Variants in LINGO2 observed in about 807,000 individuals in gnomAD.
LINGO2 encodes leucine-rich repeat and immunoglobulin-like domain-containing nogo receptor-interacting protein 2.
A neutral mutation model predicts 30.6 loss-of-function variants in LINGO2; 14 were observed. The ratio of observed to expected loss-of-function variants is 0.46; its 90% CI spans 0.30 to 0.72. The LOEUF (loss-of-function observed/expected upper bound fraction) is 0.72, where lower values mean the gene tolerates loss of function less well. LINGO2 is among the 30% of genes least tolerant of loss of function. The probability of loss-of-function intolerance (pLI) is 0.07; values close to 1 mark genes in which losing one functional copy is unlikely to be tolerated. For missense variants in LINGO2, 729 were observed against 751.7 expected, an observed-to-expected ratio of 0.97 and a Z score of 0.35; for synonymous variants, 317 against 288.5, an observed-to-expected ratio of 1.10 and a Z score of -1.00.
chr9:28,324,228 T>C (rs1320729750), intron 3 of LINGO2, among the ~76,000 whole-genome samples: 1 of 152,140 alleles, frequency 6.6e-6, no homozygotes, highest in Non-Finnish European at 1.5e-5. Flanking sequence ...ATTCGTTTGT[T>C]GGTGTTTTTA....
intron 1 of LINGO2, among the ~76,000 whole-genome samples, chr9:28,613,484 A>AAC (rs76554951): frequency 0.097 from 14,631 of 150,884 alleles, 844 homozygotes; most frequent in East Asian, 0.18. Context: ...CTACTATGAA[A>AAC]ACACACACAC....
At chr9:29,065,178 T>C in the LINGO2 span, among the ~76,000 whole-genome samples, 1 of 152,116 alleles carries the variant, frequency 6.6e-6, no homozygotes. Context: ...CAAGTACAAT[T>C]AACATTACTA....
chr9:28,865,554 G>A, the LINGO2 span, among the ~76,000 whole-genome samples: 11 of 152,058 alleles, frequency 7.2e-5, no homozygotes, highest in African/African-American at 2.4e-4. Flanking sequence ...AGGCCGAGGC[G>A]GGAGGATCAT....
chr9:28,764,151 A>T, the LINGO2 span, among the ~76,000 whole-genome samples: 1 of 151,810 alleles, frequency 6.6e-6, no homozygotes. Context: ...AAAGTAGAAG[A>T]GATACTTTTT....
intron 1 of LINGO2, among the ~76,000 whole-genome samples, chr9:28,520,659 A>C (rs1386933245): frequency 6.6e-6 from 1 of 152,164 alleles, no homozygotes; most frequent in African/African-American, 2.4e-5. Context: ...CCTAGTACCC[A>C]AGAGGCATTG....
rs73645631 is a variant in LINGO2 at position 28,287,380 on chromosome 9, G to A, written c.-87+7828C>T. 2.8e-3 allele frequency among the ~76,000 whole-genome samples: 431 copies of A among 152,240 alleles called. 3 individuals are homozygous for A. Among genetic ancestry groups the A allele is most frequent in the African/African-American group, 1.0e-2 (414 of 41,552 alleles). ...TTATATCAAATAAAGCTGAACTGAC[G>A]TTCACTTTTTTGTGTGTTTTGTGTC... On this transcript the variant is annotated intron_variant, in intron 4 of 5. Transcript: ENST00000379992.
chr9:29,130,582 A>C, the LINGO2 span, among the ~76,000 whole-genome samples: 1 of 152,164 alleles, frequency 6.6e-6, no homozygotes, highest in East Asian at 1.9e-4. Flanking sequence ...ATGAAATCTT[A>C]CACAAAATGC....
At chr9:28,565,035 T>C (rs186891996) in intron 1 of LINGO2, among the ~76,000 whole-genome samples, 153 of 152,168 alleles carry the variant, frequency 1.0e-3, no homozygotes, top group Admixed American at 5.6e-3. Context: ...CAAACTGAAA[T>C]TCCATCACCC....
In LINGO2 at chr9:28,383,487, G is replaced by A. The variant is rs2134643198; in HGVS notation, c.-278-10619C>T. Among the ~76,000 whole-genome samples, 3 of 152,152 alleles carry A rather than the reference G, an allele frequency of 2.0e-5. No homozygotes were observed. The Middle Eastern group carries it at 0.01, about 518-fold the overall frequency. On this transcript the variant is annotated intron_variant, in intron 2 of 5. Coordinates refer to ENST00000379992, the Ensembl canonical transcript of LINGO2. ...GAAGGCAGTAGAGGCTACTGGTGAG[G>A]CAGCAGTTTCTAGAGAGTGGGCAGT...
chr9:28,023,235 G>T (rs1452325339), intron 4 of LINGO2, among the ~76,000 whole-genome samples: 1 of 152,032 alleles, frequency 6.6e-6, no homozygotes, highest in Non-Finnish European at 1.5e-5. Flanking sequence ...TTTGTTCAAA[G>T]TTGGACATGA....
At chr9:28,714,164 AAT>A in the LINGO2 span, among the ~76,000 whole-genome samples, 2,279 of 117,110 alleles carry the variant, frequency 0.019, 98 homozygotes, top group African/African-American at 0.071. Context: ...TGCCTCAAAT[AAT>A]ATATATATAT....
At chr9:28,406,294 G>T (rs1016620371) in intron 2 of LINGO2, among the ~76,000 whole-genome samples, 2 of 149,028 alleles carry the variant, frequency 1.3e-5, no homozygotes, top group African/African-American at 2.5e-5. Flanking sequence ...AAATTAGCTG[G>T]GCATGGTGGT....
chr9:28,473,539 C>A (rs1196985542), intron 2 of LINGO2, among the ~76,000 whole-genome samples: 2 of 152,066 alleles, frequency 1.3e-5, no homozygotes, highest in Admixed American at 1.3e-4. Flanking sequence ...GGACATACTG[C>A]ATTACTGTAA....
intron 1 of LINGO2, among the ~76,000 whole-genome samples, chr9:28,613,780 A>G (rs770316261): frequency 6.6e-6 from 1 of 152,186 alleles, no homozygotes; most frequent in East Asian, 1.9e-4. Flanking sequence ...ACTATTTCAA[A>G]GAGTTAAATT....
intron 4 of LINGO2, among the ~76,000 whole-genome samples, chr9:28,246,319 G>A (rs1447442264): frequency 6.6e-6 from 1 of 152,088 alleles, no homozygotes; most frequent in African/African-American, 2.4e-5. Flanking sequence ...AGCTACCTGG[G>A]AGGCTGAGGA....
intron 4 of LINGO2, among the ~76,000 whole-genome samples, chr9:28,240,879 T>C (rs560459751): frequency 1.6e-4 from 25 of 152,158 alleles, no homozygotes; most frequent in African/African-American, 6.0e-4. Context: ...ATCAAGAAAG[T>C]GAAGAGACAA....
intron 4 of LINGO2, among the ~76,000 whole-genome samples, chr9:28,042,528 C>T (rs16912385): frequency 5.7e-4 from 87 of 152,194 alleles, no homozygotes; most frequent in Non-Finnish European, 9.3e-4. Flanking sequence ...AGTGTTATAA[C>T]CAAAGTCCAC....
chr9:29,020,750 G>A, the LINGO2 span, among the ~76,000 whole-genome samples: 1 of 152,010 alleles, frequency 6.6e-6, no homozygotes, highest in Non-Finnish European at 1.5e-5. Context: ...AAGAAAGGAA[G>A]GGAAATAAGA....
intron 4 of LINGO2, among the ~76,000 whole-genome samples, chr9:28,068,662 G>A (rs531736298): frequency 1.3e-5 from 2 of 151,914 alleles, no homozygotes; most frequent in Admixed American, 6.6e-5. Context: ...ATACTTATTC[G>A]ATCTGCAAAA....
Sources: gnomAD v4.1 joint callset for allele counts (sites outside exome capture counted in the v4.1 genomes callset) on GRCh38, gnomAD v4.1.1 for gene constraint, MANE v1.5 for transcripts, NCBI Gene and HGNC (gene_info 2026-07-23, HGNC 2026-07-21) for gene names.